The following ZNF124 variants were observed in gnomAD, a reference collection of about 807,000 sequenced individuals.
ZNF124 encodes the protein zinc finger protein HZF-16.
ZNF124 carries 25 observed loss-of-function variants against 26.6 expected under a neutral mutation model. The observed-to-expected ratio is 0.94, with a 90% CI of 0.68 to 1.31. The LOEUF (loss-of-function observed/expected upper bound fraction) is 1.31, where lower values mean the gene tolerates loss of function less well. Among genes scored for constraint, ZNF124 ranks in the 40% most tolerant of loss-of-function variants. The pLI, the probability that ZNF124 is intolerant of heterozygous loss-of-function variation, is 0.00. For missense variants in ZNF124, 444 were observed against 422.2 expected, an observed-to-expected ratio of 1.05 and a Z score of -0.45; for synonymous variants, 129 against 133.3, an observed-to-expected ratio of 0.97 and a Z score of 0.22.
chr1:247,136,945 C>G (rs1350487421), intron 3 of ZNF124, among the ~76,000 whole-genome samples: 1 of 124,606 alleles, frequency 8.0e-6, no homozygotes, highest in Non-Finnish European at 1.7e-5. Context: ...AGACCCATCT[C>G]AAAAAAAAAA....
intron 3 of ZNF124, among the ~76,000 whole-genome samples, chr1:247,145,673 A>C (rs1006200873): frequency 1.3e-5 from 2 of 151,864 alleles, no homozygotes; most frequent in African/African-American, 2.4e-5. Context: ...CTGTCGCCCA[A>C]GCTGGAGTGC....
downstream of ZNF124, among the ~76,000 whole-genome samples, chr1:247,151,489 A>AAAAAC (rs1672942899): frequency 6.6e-6 from 1 of 151,970 alleles, no homozygotes; most frequent in Non-Finnish European, 1.5e-5. Flanking sequence ...AAAAAAAAAA[A>AAAAAC]AAAAAACCAT....
intron 3 of ZNF124, among the ~76,000 whole-genome samples, chr1:247,141,077 G>A (rs1053151620): frequency 2.0e-5 from 3 of 150,286 alleles, no homozygotes; most frequent in African/African-American, 7.4e-5. Context: ...AAGAGGAGCC[G>A]GTTAGCAATT....
chr1:247,150,711 A>T (rs933630601), downstream of ZNF124, among the ~76,000 whole-genome samples: 13 of 152,102 alleles, frequency 8.5e-5, no homozygotes, highest in Non-Finnish European at 1.0e-4. Flanking sequence ...AATACAGAAT[A>T]AATTATATTT....
At chr1:247,125,404 G>A (rs558035007) in intron 3 of ZNF124, among the ~76,000 whole-genome samples, 3 of 128,416 alleles carry the variant, frequency 2.3e-5, no homozygotes, top group Non-Finnish European at 4.9e-5. Flanking sequence ...CAATTTCTCC[G>A]TATCTTCACC....
chr1:247,157,150 C>T lies in ZNF124; in HGVS notation c.472G>A (p.Ala158Thr), dbSNP rs1673193801. ...TTAAGAGAACGGGAAAAACCTAAGG[C>T]TTTCCCACATTCCATACATTCATAG... is the stretch of plus-strand genomic sequence containing the variant. The part of the protein sequence containing the change: ...KPYECMECGK[A>T]LGFSRSLNRH... Residue 158 changes from alanine to threonine, a missense_variant, in exon 4 of 4, where the codon GCC (alanine) becomes ACC (threonine). Coordinates refer to ENST00000543802, the MANE Select transcript of ZNF124 (RefSeq NM_001297568.2). The T allele has an allele frequency of 6.2e-7, 1 of 1,614,096 alleles. No individual in the cohort carries two copies. The highest frequency in any genetic ancestry group is 1.6e-4 in the Middle Eastern group (1 of 6,062).
intron 3 of ZNF124, among the ~76,000 whole-genome samples, chr1:247,140,549 T>G (rs895885360): frequency 2.0e-5 from 3 of 152,218 alleles, no homozygotes; most frequent in African/African-American, 7.2e-5. Flanking sequence ...CTCTGGCCAT[T>G]TGAGTTACTG....
rs557796075 is a variant in ZNF124 at position 247,158,920 on chromosome 1, T to C, written c.218+86A>G. The C allele has an allele frequency of 3.1e-6, 4 of 1,272,612 alleles. No homozygotes were observed. The South Asian group carries it at 5.3e-5, about 17-fold the overall frequency. 78.8% of individuals were successfully genotyped at this position (1,272,612 alleles called of 1,614,324 possible). A position where few individuals can be genotyped will look rare whatever the true frequency, so the allele number is the denominator to read the frequency against. ...CTGGGATTACAGGTGTGAGCCACCA[T>C]GCCTGGCCTTGTTTGCTTTAAACAT... On this transcript the variant is annotated intron_variant, in intron 3 of 3. Coordinates refer to ENST00000543802, the MANE Select transcript of ZNF124 (RefSeq NM_001297568.2).
Position 247,156,098 on chromosome 1 carries a change from CT to C in ZNF124, c.*467del, listed in dbSNP as rs1249045837. 1 of 982,484 alleles carries C rather than the reference CT, an allele frequency of 1.0e-6. No individual in the cohort carries two copies. The highest frequency in any genetic ancestry group is 1.1e-4 in the East Asian group (1 of 8,814). The allele number at this position is 982,484 out of a possible 1,614,324, so 60.9% of individuals were successfully genotyped here. On this transcript the variant is annotated 3_prime_UTR_variant, in exon 4 of 4. Transcript: ENST00000543802. ...TTTCCAGTGGGAGTTTTCACATGAC[CT>C]TTAAAGTAATTGTTAAAATTCAGAA... is the stretch of plus-strand genomic sequence containing the variant.
chr1:247,140,968 G>C (rs1177353329), intron 3 of ZNF124, among the ~76,000 whole-genome samples: 1 of 152,186 alleles, frequency 6.6e-6, no homozygotes, highest in Non-Finnish European at 1.5e-5. Flanking sequence ...GGCACTCTCA[G>C]GGCTTATGTT....
intron 3 of ZNF124, among the ~76,000 whole-genome samples, chr1:247,137,108 T>G (rs1456075437): frequency 6.6e-6 from 1 of 151,800 alleles, no homozygotes. Context: ...AACAGATATA[T>G]AGACCAACGG....
chr1:247,158,340 G>A (rs1363662311), intron 3 of ZNF124, among the ~76,000 whole-genome samples: 2 of 151,942 alleles, frequency 1.3e-5, no homozygotes, highest in Non-Finnish European at 2.9e-5. Flanking sequence ...TGACATGTCA[G>A]CTCCCCTTCC....
intron 3 of ZNF124, among the ~76,000 whole-genome samples, chr1:247,126,016 C>A (rs1000720164): frequency 2.1e-5 from 3 of 143,680 alleles, no homozygotes; most frequent in Non-Finnish European, 4.6e-5. Context: ...ATAATTCCAG[C>A]ACTTTGGGAG....
At chr1:247,161,658 G>T (rs998311830) in intron 1 of ZNF124, among the ~76,000 whole-genome samples, 12 of 150,996 alleles carry the variant, frequency 7.9e-5, no homozygotes, top group Non-Finnish European at 1.3e-4. Flanking sequence ...TTAAAAAATG[G>T]GAAAAAAAAG....
rs747664074 is a variant in ZNF124 at position 247,156,858 on chromosome 1, G to A, written c.764C>T (p.Ala255Val). Residue 255 changes from alanine (A) to valine (V), a missense_variant, in exon 4 of 4, where the codon GCT (alanine) becomes GTT (valine). Ala to Val is a moderately conservative substitution (Grantham distance 64, BLOSUM62 0). Coordinates refer to ENST00000543802, the MANE Select transcript of ZNF124 (RefSeq NM_001297568.2). Reference sequence around the variant, plus strand: ...TGGATAGGGTTCTTCACCAGCATGAGCCTTTATATGTCCTTGCAAGGAACT... The same window carrying A: ...TGGATAGGGTTCTTCACCAGCATGAACCTTTATATGTCCTTGCAAGGAACT... ...CLSSLQGHIKAHAGEEPYPCK... is the reference protein window; with the variant it reads ...CLSSLQGHIKVHAGEEPYPCK... The A allele has an allele frequency of 6.2e-7, 1 of 1,613,734 alleles. No homozygotes were observed.
intron 3 of ZNF124, among the ~76,000 whole-genome samples, chr1:247,147,870 AG>A (rs142157095): frequency 0.13 from 19,914 of 152,170 alleles, 1,850 homozygotes; most frequent in African/African-American, 0.25. Flanking sequence ...ACATTGAGTT[AG>A]CCCCAAAGGC....
chr1:247,123,634 G>A (rs12094489), exon 4 of ZNF124: 75,645 of 462,544 alleles, frequency 0.16, 908 homozygotes, highest in South Asian at 0.19. Context: ...TCTGGAGGCA[G>A]TTGTTCCAAA....
chr1:247,131,939 A>G (rs927602801), intron 3 of ZNF124, among the ~76,000 whole-genome samples: 1 of 152,190 alleles, frequency 6.6e-6, no homozygotes, highest in African/African-American at 2.4e-5. Flanking sequence ...GTCTTTCATT[A>G]AACGGGTCCT....
At chr1:247,167,598 A>G (rs1000779025) in intron 1 of ZNF124, among the ~76,000 whole-genome samples, 1 of 152,216 alleles carries the variant, frequency 6.6e-6, no homozygotes, top group East Asian at 1.9e-4. Flanking sequence ...AAGTTACCAC[A>G]TACACTCAGG....
Sources: gnomAD v4.1 joint callset for allele counts (sites outside exome capture counted in the v4.1 genomes callset) on GRCh38, gnomAD v4.1.1 for gene constraint, MANE v1.5 for transcripts, NCBI Gene and HGNC (gene_info 2026-07-23, HGNC 2026-07-21) for gene names.